The following MIER3 variants were observed in gnomAD, a reference collection of about 807,000 sequenced individuals.
The protein encoded by MIER3 is MIER family member 3, also known as mesoderm induction early response protein 3.
In MIER3, 9 loss-of-function variants were observed where a neutral mutation model predicts 63.2. The observed-to-expected ratio is 0.14, with a 90% CI of 0.09 to 0.25. MIER3 has a LOEUF of 0.25. Among genes scored for constraint, MIER3 ranks in the 10% least tolerant of loss-of-function variants. The pLI is 1.00. For missense variants in MIER3, 512 were observed against 666.2 expected, an observed-to-expected ratio of 0.77 and a Z score of 2.55; for synonymous variants, 205 against 224.9, an observed-to-expected ratio of 0.91 and a Z score of 0.79.
At chr5:56,946,430 T>C (rs899414506) in intron 3 of MIER3, among the ~76,000 whole-genome samples, 1 of 152,152 alleles carries the variant, frequency 6.6e-6, no homozygotes, top group African/African-American at 2.4e-5. Context: ...TTTTCAAAGA[T>C]GACTTTTAAA....
rs181258211 is a variant in MIER3 at position 56,937,944 on chromosome 5, T to C, written c.316-246A>G. Among the ~76,000 whole-genome samples, 245 of 152,016 alleles carry C rather than the reference T, an allele frequency of 1.6e-3. 4 individuals are homozygous for C. The highest frequency in any genetic ancestry group is 3.2e-3 in the Admixed American group (49 of 15,262). On this transcript the variant is annotated intron_variant, in intron 4 of 12. Coordinates refer to ENST00000381199, the MANE Select transcript of MIER3 (RefSeq NM_001297599.2). ...AAAACAATTGCCTAATTTGTGGGTATGCAGAGAGCTTATCTAAAGCTGTAG... is the reference window on the plus strand; with the variant it reads ...AAAACAATTGCCTAATTTGTGGGTACGCAGAGAGCTTATCTAAAGCTGTAG...
At chr5:56,941,485 G>A (rs1750645058) in intron 3 of MIER3, 1 of 152,122 alleles carries the variant, frequency 6.6e-6, no homozygotes, top group Non-Finnish European at 1.5e-5. Context: ...TGAAGTCTGA[G>A]AAGGCCAGTC....
intron 8 of MIER3, among the ~76,000 whole-genome samples, chr5:56,933,006 G>A (rs1384848495): frequency 6.6e-6 from 1 of 152,000 alleles, no homozygotes; most frequent in African/African-American, 2.4e-5. Context: ...GATATAAAAT[G>A]GCATCTCAAG....
chr5:56,946,980 CTCT>C lies in MIER3; in HGVS notation c.123_125del (p.Glu43del). On this transcript the variant is annotated inframe_deletion, in exon 3 of 13. Transcript: ENST00000381199. Reference sequence around the variant, plus strand: ...AGTTTTTACCCTCATCCATCATTTCCTCTTCTTCAAGAGTTCTTTCATCATCAT... The same window carrying C: ...AGTTTTTACCCTCATCCATCATTTCCTCTTCAAGAGTTCTTTCATCATCAT... 1.2e-6 allele frequency: 2 copies of C among 1,608,656 alleles called. No individual in the cohort carries two copies. The highest frequency in any genetic ancestry group is 1.7e-6 in the Non-Finnish European group (2 of 1,178,174).
Position 56,922,819 on chromosome 5 carries a change from C to G in MIER3, c.*309G>C, listed in dbSNP as rs148014477. On this transcript the variant is annotated 3_prime_UTR_variant, in exon 13 of 13. Coordinates refer to ENST00000381199, the MANE Select transcript of MIER3 (RefSeq NM_001297599.2). The stretch of plus-strand genomic sequence containing the variant: ...AATTGGGAGTGAGGGCAGTGGGGAA[C>G]ACAAAAGAATAGAAAAAGAAGGGAG... 9.7e-6 allele frequency: 3 copies of G among 309,894 alleles called. No individual in the cohort carries two copies. The highest frequency in any genetic ancestry group is 1.8e-5 in the Non-Finnish European group (3 of 163,490). 19.2% of individuals were successfully genotyped at this position (309,894 alleles called of 1,614,324 possible). A position where few individuals can be genotyped will look rare whatever the true frequency, so the allele number is the denominator to read the frequency against.
At chr5:56,934,549 G>GGCT (rs1265022959) in intron 7 of MIER3, among the ~76,000 whole-genome samples, 1 of 152,154 alleles carries the variant, frequency 6.6e-6, no homozygotes, top group Non-Finnish European at 1.5e-5. Flanking sequence ...GAGGTGAGAA[G>GGCT]GCTGGCACAT....
intron 10 of MIER3, chr5:56,925,285 A>C: frequency 2.2e-6 from 1 of 448,616 alleles, no homozygotes; most frequent in Non-Finnish European, 4.5e-6. Context: ...AAAGAAATAA[A>C]AAGTATACAG....
At position 56,952,077 on chromosome 5, in the gene MIER3, C is replaced by G. The variant is rs1456638555; in HGVS notation, c.9+17G>C. On this transcript the variant is annotated intron_variant, in intron 1 of 12. Transcript: ENST00000381199. ...CCCGCTCCAGCCCGGCTGCTCCTGC[C>G]CGGTTTCCCTGCTCACCTCCGCCAT... 1.5e-6 allele frequency: 2 copies of G among 1,301,318 alleles called. No individual in the cohort carries two copies. The highest frequency in any genetic ancestry group is 2.0e-6 in the Non-Finnish European group (2 of 1,007,086). 80.6% of individuals were successfully genotyped at this position (1,301,318 alleles called of 1,614,324 possible).
In MIER3 at chr5:56,924,160, T is replaced by A. The variant is rs368152827; in HGVS notation, c.925-118A>T. On this transcript the variant is annotated intron_variant, in intron 10 of 12. Transcript: ENST00000381199. ...GGGTCTTATTTTCCCATTATATAGTTCTGAACACTTTTAATAAATTATAAA... is the reference window on the plus strand; with the variant it reads ...GGGTCTTATTTTCCCATTATATAGTACTGAACACTTTTAATAAATTATAAA... The A allele has an allele frequency of 1.1e-5, 11 of 956,544 alleles. No individual in the cohort carries two copies. The African/African-American group carries it at 1.8e-4, about 16-fold the overall frequency. The allele number at this position is 956,544 out of a possible 1,614,324, so 59.3% of individuals were successfully genotyped here.
chr5:56,936,279 T>A (rs567433617), intron 5 of MIER3, among the ~76,000 whole-genome samples: 2 of 152,092 alleles, frequency 1.3e-5, no homozygotes, highest in Admixed American at 6.6e-5. Flanking sequence ...GTTTGGGAGG[T>A]AAAAGGAAAC....
Position 56,935,889 on chromosome 5 carries a change from A to G in MIER3, c.437-138T>C, listed in dbSNP as rs899949536. ...CTAAACCACCTGCATGTTTCTCACA[A>G]TCGACATTGGTCAAAATGAGACACT... On this transcript the variant is annotated intron_variant, in intron 5 of 12. Transcript: ENST00000381199. The G allele has an allele frequency of 4.5e-6, 3 of 661,666 alleles. No individual in the cohort carries two copies. The African/African-American group carries it at 5.5e-5, about 12-fold the overall frequency. The allele number at this position is 661,666 out of a possible 1,614,324, so 41.0% of individuals were successfully genotyped here. A position where few individuals can be genotyped will look rare whatever the true frequency, so the allele number is the denominator to read the frequency against.
intron 1 of MIER3, 77 bp downstream of exon 1, chr5:56,952,017 A>G (rs1751054561): frequency 1.7e-6 from 2 of 1,188,200 alleles, no homozygotes; most frequent in African/African-American, 1.7e-5. Context: ...CGGATCCCCC[A>G]GGCTGGCTCG....
At chr5:56,932,499 T>G (rs1407216297) in intron 8 of MIER3, among the ~76,000 whole-genome samples, 1 of 152,220 alleles carries the variant, frequency 6.6e-6, no homozygotes, top group East Asian at 1.9e-4. Context: ...TTCCCTATGT[T>G]ACTTCAGAAT....
At chr5:56,941,469 G>A (rs1051688521) in intron 3 of MIER3, 11 of 152,190 alleles carry the variant, frequency 7.2e-5, no homozygotes, top group African/African-American at 2.4e-4. Context: ...ATCTTCAGCG[G>A]AGGCCTGAAG....
Position 56,922,119 on chromosome 5 carries a change from G to T in MIER3, c.*1009C>A, listed in dbSNP as rs1749701370. On this transcript the variant is annotated 3_prime_UTR_variant, in exon 13 of 13. Coordinates refer to ENST00000381199, the MANE Select transcript of MIER3 (RefSeq NM_001297599.2). Reference sequence around the variant, plus strand: ...ACTGCATTAGGTATAAAATCTAGAAGTCCCTCTAAATATTAACACTTTGAA... The same window carrying T: ...ACTGCATTAGGTATAAAATCTAGAATTCCCTCTAAATATTAACACTTTGAA... 6.6e-6 allele frequency: 1 copy of T among 152,596 alleles called. No homozygotes were observed. Among genetic ancestry groups the T allele is most frequent in the Admixed American group, 6.5e-5 (1 of 15,270 alleles). The allele number at this position is 152,596 out of a possible 1,614,324, so 9.5% of individuals were successfully genotyped here. A position where few individuals can be genotyped will look rare whatever the true frequency, so the allele number is the denominator to read the frequency against.
At chr5:56,932,826 C>T (rs925612368) in intron 8 of MIER3, among the ~76,000 whole-genome samples, 3 of 151,852 alleles carry the variant, frequency 2.0e-5, no homozygotes, top group Non-Finnish European at 4.4e-5. Context: ...AAAGTCCAAC[C>T]ACAGAGAATG....
intron 3 of MIER3, among the ~76,000 whole-genome samples, chr5:56,943,851 G>A (rs1332329298): frequency 1.3e-5 from 2 of 152,140 alleles, no homozygotes; most frequent in East Asian, 3.8e-4. Context: ...CGGGTATAAG[G>A]ATTTTTCTCT....
chr5:56,930,606 C>A, intron 9 of MIER3, 58 bp downstream of exon 9: 1 of 1,432,628 alleles, frequency 7.0e-7, no homozygotes, highest in Admixed American at 1.7e-5. Flanking sequence ...TTTGCTTATT[C>A]TGATCCCCAA....
At position 56,937,679 on chromosome 5, in the gene MIER3, A is replaced by G; in HGVS notation, c.335T>C (p.Leu112Pro). 6.2e-7 allele frequency: 1 copy of G among 1,608,670 alleles called. No individual in the cohort carries two copies. The highest frequency in any genetic ancestry group is 8.5e-7 in the Non-Finnish European group (1 of 1,177,136). Residue 112 changes from leucine (L) to proline (P), a missense_variant, in exon 5 of 13, where the codon CTG becomes CCG. Physicochemically the swap from Leu to Pro is moderately conservative, Grantham distance 98 (BLOSUM62 -3). Coordinates refer to ENST00000381199, the MANE Select transcript of MIER3 (RefSeq NM_001297599.2). The part of the protein sequence containing the change: ...TLDKEEIAKD[L>P]LSGDDEETQS... ...AGTTTCCTCGTCATCACCTGACAACAGGTCTTTTGCTATTTCCTCCTGGAA... is the reference window on the plus strand; with the variant it reads ...AGTTTCCTCGTCATCACCTGACAACGGGTCTTTTGCTATTTCCTCCTGGAA...
Sources: gnomAD v4.1 joint callset for allele counts (sites outside exome capture counted in the v4.1 genomes callset) on GRCh38, gnomAD v4.1.1 for gene constraint, MANE v1.5 for transcripts, NCBI Gene and HGNC (gene_info 2026-07-23, HGNC 2026-07-21) for gene names.